DGKB: variants seen among roughly 807,000 people sequenced by gnomAD.
DGKB encodes the protein 90 kDa diacylglycerol kinase.
In DGKB, 67 loss-of-function variants were observed where a neutral mutation model predicts 114.3. That is an observed-to-expected ratio of 0.59 (90% CI 0.48 to 0.72). DGKB has a LOEUF of 0.72. Ranked by LOEUF, DGKB falls within the 30% of genes least tolerant of loss-of-function variation. The pLI is 0.00. For missense variants in DGKB, 907 were observed against 975.2 expected (o/e 0.93, Z 0.93); for synonymous variants, 398 against 323.1 (o/e 1.23, Z -2.49).
chr7:14,808,874 T>A (rs1017687948), intron 2 of DGKB, among the ~76,000 whole-genome samples: 1 of 152,052 alleles, frequency 6.6e-6, no homozygotes, highest in Non-Finnish European at 1.5e-5. Flanking sequence ...CAACTGAAAA[T>A]AGAGGAATGA....
chr7:14,642,633 T>C (rs1457541817), intron 13 of DGKB, among the ~76,000 whole-genome samples: 1 of 152,228 alleles, frequency 6.6e-6, no homozygotes, highest in Non-Finnish European at 1.5e-5. Flanking sequence ...TAATATTTAT[T>C]TTTGCTAAGG....
chr7:14,191,171 G>C (rs185181223), intron 23 of DGKB: 1 of 170,342 alleles, frequency 5.9e-6, no homozygotes, highest in East Asian at 1.4e-4. Flanking sequence ...AATTTGAACT[G>C]GTGTCTCCAG....
intron 20 of DGKB, among the ~76,000 whole-genome samples, chr7:14,508,079 C>T (rs1007553913): frequency 5.9e-5 from 9 of 152,040 alleles, no homozygotes; most frequent in South Asian, 4.1e-4. Flanking sequence ...GACAATCAGG[C>T]GGCATATTTA....
chr7:14,276,737 G>A (rs936476426), intron 23 of DGKB, among the ~76,000 whole-genome samples: 1 of 151,784 alleles, frequency 6.6e-6, no homozygotes, highest in Non-Finnish European at 1.5e-5. Context: ...TATTTTATAT[G>A]GATTATCTCA....
At chr7:14,720,430 G>A (rs1031699047) in intron 5 of DGKB, among the ~76,000 whole-genome samples, 4 of 151,774 alleles carry the variant, frequency 2.6e-5, no homozygotes, top group African/African-American at 9.7e-5. Flanking sequence ...TCAGCCTCCT[G>A]AGTAGCTGGG....
chr7:14,441,010 T>C (rs1428282829), intron 21 of DGKB, among the ~76,000 whole-genome samples: 1 of 152,154 alleles, frequency 6.6e-6, no homozygotes. Flanking sequence ...TTCATTTTTC[T>C]TCTTTTAGAA....
At chr7:14,217,605 A>T (rs1789205264) in intron 23 of DGKB, among the ~76,000 whole-genome samples, 1 of 152,118 alleles carries the variant, frequency 6.6e-6, no homozygotes, top group African/African-American at 2.4e-5. Flanking sequence ...AATTAAAAAA[A>T]AAACTAGAAC....
At chr7:14,666,488 C>T (rs991921941) in intron 13 of DGKB, among the ~76,000 whole-genome samples, 12 of 152,012 alleles carry the variant, frequency 7.9e-5, no homozygotes, top group African/African-American at 2.6e-4. Context: ...TTGGATTGGC[C>T]AGCTGAGATT....
At chr7:14,446,297 A>G (rs1489366667) in intron 21 of DGKB, among the ~76,000 whole-genome samples, 1 of 152,276 alleles carries the variant, frequency 6.6e-6, no homozygotes, top group East Asian at 1.9e-4. Context: ...TTGGATAGTT[A>G]TGTGCACATC....
intron 20 of DGKB, among the ~76,000 whole-genome samples, chr7:14,522,248 T>C (rs970329568): frequency 6.6e-6 from 1 of 152,184 alleles, no homozygotes; most frequent in Non-Finnish European, 1.5e-5. Context: ...CTGACATCTT[T>C]GTCGCACATG....
intron 23 of DGKB, among the ~76,000 whole-genome samples, chr7:14,297,640 G>A (rs1338037993): frequency 6.6e-6 from 1 of 152,100 alleles, no homozygotes; most frequent in East Asian, 1.9e-4. Context: ...TTTGAAAACT[G>A]GTGCAAGACA....
intron 21 of DGKB, among the ~76,000 whole-genome samples, chr7:14,364,808 G>A (rs1816371981): frequency 6.6e-6 from 1 of 151,922 alleles, no homozygotes; most frequent in Non-Finnish European, 1.5e-5. Context: ...AGGTGCTAAT[G>A]AAGCTCAGGC....
chr7:14,763,726 A>C (rs1439571915), intron 2 of DGKB, among the ~76,000 whole-genome samples: 2 of 152,070 alleles, frequency 1.3e-5, no homozygotes, highest in Admixed American at 1.3e-4. Flanking sequence ...TTGCCACCTA[A>C]ATAGTAGTCA....
rs529885367 is a variant in DGKB at position 14,617,915 on chromosome 7, T to C, written c.1284+3463A>G. Reference sequence around the variant, plus strand: ...AGACAATTCTGACTCTTAGCCCTGATCTTTCTTATCTTACTCAGCTCTATT... The same window carrying C: ...AGACAATTCTGACTCTTAGCCCTGACCTTTCTTATCTTACTCAGCTCTATT... On this transcript the variant is annotated intron_variant, in intron 15 of 25. Coordinates refer to ENST00000402815, the MANE Select transcript of DGKB (RefSeq NM_001350709.2). 3.3e-5 allele frequency among the ~76,000 whole-genome samples: 5 copies of C among 151,802 alleles called. No individual in the cohort carries two copies. In the East Asian group the frequency reaches 9.7e-4, roughly 29 times the overall value.
At chr7:14,373,943 T>G (rs2128660887) in intron 21 of DGKB, among the ~76,000 whole-genome samples, 1 of 152,286 alleles carries the variant, frequency 6.6e-6, no homozygotes, top group East Asian at 1.9e-4. Context: ...GAGTTTATCC[T>G]TATCCCCTAG....
chr7:14,408,010 C>T (rs577946967), intron 21 of DGKB, among the ~76,000 whole-genome samples: 1 of 152,152 alleles, frequency 6.6e-6, no homozygotes, highest in African/African-American at 2.4e-5. Flanking sequence ...CCATAAATAG[C>T]AGGTTGTGGG....
intron 1 of DGKB, among the ~76,000 whole-genome samples, chr7:14,852,298 T>TTG (rs1029978704): frequency 1.1e-4 from 16 of 148,896 alleles, no homozygotes; most frequent in Non-Finnish European, 1.6e-4. Flanking sequence ...GTGTGTGTGT[T>TTG]TGTGTGTGTG....
chr7:14,250,823 C>A (rs775785608), intron 23 of DGKB, among the ~76,000 whole-genome samples: 1 of 152,136 alleles, frequency 6.6e-6, no homozygotes, highest in Non-Finnish European at 1.5e-5. Context: ...ATATTTGGTG[C>A]GTATATGCAT....
At chr7:14,741,343 C>G (rs1275358006) in intron 4 of DGKB, among the ~76,000 whole-genome samples, 2 of 152,110 alleles carry the variant, frequency 1.3e-5, no homozygotes, top group African/African-American at 4.8e-5. Flanking sequence ...TTTGATTAAT[C>G]AAAAAGTATT....
Sources: gnomAD v4.1 joint callset for allele counts (sites outside exome capture counted in the v4.1 genomes callset) on GRCh38, gnomAD v4.1.1 for gene constraint, MANE v1.5 for transcripts, NCBI Gene and HGNC (gene_info 2026-07-23, HGNC 2026-07-21) for gene names.